EPS8: variants seen among roughly 807,000 people sequenced by gnomAD.
The protein encoded by EPS8 is epidermal growth factor receptor kinase substrate 8.
EPS8 carries 42 observed loss-of-function variants against 103.8 expected under a neutral mutation model. That is an observed-to-expected ratio of 0.40 (90% CI 0.32 to 0.52). The LOEUF (loss-of-function observed/expected upper bound fraction) is 0.52. Ranked by LOEUF, EPS8 falls within the 20% of genes least tolerant of loss-of-function variation. The probability of loss-of-function intolerance (pLI) is 0.40; values close to 1 mark genes in which losing one functional copy is unlikely to be tolerated. For missense variants in EPS8, 969 were observed against 1,005.1 expected (o/e 0.96, Z 0.49); for synonymous variants, 344 against 344.6 (o/e 1.00, Z 0.02).
intron 1 of EPS8, among the ~76,000 whole-genome samples, chr12:15,786,798 T>G (rs1014738623): frequency 3.3e-5 from 5 of 152,144 alleles, no homozygotes; most frequent in Non-Finnish European, 5.9e-5. Context: ...TGCAGAATTT[T>G]TCTTACAAAA....
At chr12:15,641,555 C>G (rs1945230240) in intron 16 of EPS8, among the ~76,000 whole-genome samples, 167 bp downstream of exon 16, 1 of 151,834 alleles carries the variant, frequency 6.6e-6, no homozygotes, top group South Asian at 2.1e-4. Flanking sequence ...TAAAGCTATC[C>G]CCTTAGAAGG....
intron 20 of EPS8, among the ~76,000 whole-genome samples, chr12:15,621,948 A>C (rs143405205): frequency 0.011 from 1,607 of 152,256 alleles, 22 homozygotes; most frequent in African/African-American, 0.037. Context: ...CTAAAAGATT[A>C]ACTAGATCCA....
At chr12:15,652,190 T>C (rs763420733) in intron 13 of EPS8, among the ~76,000 whole-genome samples, 1 of 152,176 alleles carries the variant, frequency 6.6e-6, no homozygotes, top group Admixed American at 6.5e-5. Flanking sequence ...CTGGAGGTTA[T>C]TCCATTAAGC....
At position 15,710,474 on chromosome 12, in the gene EPS8, T is replaced by C. The variant is rs191239151; in HGVS notation, c.-21-27502A>G. On this transcript the variant is annotated intron_variant, in intron 1 of 20. Transcript: ENST00000281172. ...CTCACATTTCATTCAGCTCAGATCT[T>C]ACATTACCAAGTACAGAGAGACAAT... Among the ~76,000 whole-genome samples, 32 of 152,334 alleles carry C rather than the reference T, an allele frequency of 2.1e-4. No individual in the cohort carries two copies. In the East Asian group the frequency reaches 5.8e-3, roughly 28 times the overall value.
intron 8 of EPS8, chr12:15,665,198 T>C (rs1158735142): frequency 1.3e-5 from 2 of 152,272 alleles, no homozygotes; most frequent in Admixed American, 1.3e-4. Context: ...GTCAATCAAG[T>C]AAAACTTCCT....
chr12:15,754,906 A>G (rs1946970072), intron 1 of EPS8, among the ~76,000 whole-genome samples: 1 of 152,222 alleles, frequency 6.6e-6, no homozygotes, highest in Non-Finnish European at 1.5e-5. Flanking sequence ...CATTTCTGCC[A>G]CCTGGTTACT....
At chr12:15,729,995 G>T (rs904458658) in intron 1 of EPS8, among the ~76,000 whole-genome samples, 1 of 152,080 alleles carries the variant, frequency 6.6e-6, no homozygotes, top group Non-Finnish European at 1.5e-5. Context: ...TACACTTCTA[G>T]GGATCAAGAA....
chr12:15,631,512 G>A lies in EPS8; in HGVS notation c.1974C>T (p.Asn658=). ...SKVPANITRQ[N]SSSSDSGGSI... Reference sequence around the variant, plus strand: ...TGCCACCACTGTCACTGGAGCTGCTGTTTTGACGTGTTATATTTGCTGGGA... The same window carrying A: ...TGCCACCACTGTCACTGGAGCTGCTATTTTGACGTGTTATATTTGCTGGGA... Residue 658 remains asparagine (N), a synonymous_variant, in exon 18 of 21, where the codon AAC becomes AAT. Transcript: ENST00000281172. 2 of 1,614,038 alleles carry A rather than the reference G, an allele frequency of 1.2e-6. No individual in the cohort carries two copies. Among genetic ancestry groups the A allele is most frequent in the African/African-American group, 1.3e-5 (1 of 74,962 alleles).
At chr12:15,683,927 CA>C (rs1480431936) in intron 1 of EPS8, 1 of 152,118 alleles carries the variant, frequency 6.6e-6, no homozygotes. Flanking sequence ...TTAGGCAGGA[CA>C]TACCCCAGCT....
intron 15 of EPS8, among the ~76,000 whole-genome samples, chr12:15,646,247 C>T (rs925854977): frequency 6.6e-6 from 1 of 151,998 alleles, no homozygotes; most frequent in African/African-American, 2.4e-5. Context: ...CTGTCACCAC[C>T]CCTGACAAAG....
At chr12:15,774,357 A>G (rs1947185906) in intron 1 of EPS8, among the ~76,000 whole-genome samples, 1 of 117,994 alleles carries the variant, frequency 8.5e-6, no homozygotes, top group Non-Finnish European at 1.7e-5. Flanking sequence ...ATACAGGCCT[A>G]GTGTTATTTA....
Position 15,655,472 on chromosome 12 carries a change from C to T in EPS8, c.1102-1179G>A, listed in dbSNP as rs114270250. 2.7e-3 allele frequency among the ~76,000 whole-genome samples: 416 copies of T among 152,300 alleles called. 5 individuals carry two copies. Among genetic ancestry groups the T allele is most frequent in the African/African-American group, 9.4e-3 (391 of 41,572 alleles). ...GGACTAAGACTTATCTGACTTTCAACTGCAGATGATACAGTGGTACTGGAA... is the reference window on the plus strand; with the variant it reads ...GGACTAAGACTTATCTGACTTTCAATTGCAGATGATACAGTGGTACTGGAA... On this transcript the variant is annotated intron_variant, in intron 12 of 20. Coordinates refer to ENST00000281172, the MANE Select transcript of EPS8 (RefSeq NM_004447.6).
In EPS8 at chr12:15,769,137, T is replaced by G. The variant is rs917643977; in HGVS notation, c.-22+20024A>C. On this transcript the variant is annotated intron_variant, in intron 1 of 20. Transcript: ENST00000281172. This position sits in a 1 kb window ranked among gnomAD's most constrained non-coding sequence, Gnocchi z 4.6. ...TCACCCATAAAATCTCACTTTATGT[T>G]CCATTAACCAGGATCACATGAACTA... 6.6e-6 allele frequency among the ~76,000 whole-genome samples: 1 copy of G among 152,132 alleles called. No homozygotes were observed. The highest frequency in any genetic ancestry group is 2.4e-5 in the African/African-American group (1 of 41,434).
intron 1 of EPS8, among the ~76,000 whole-genome samples, chr12:15,770,470 T>G (rs1171371766): frequency 1.3e-5 from 2 of 152,108 alleles, no homozygotes; most frequent in African/African-American, 2.4e-5. Context: ...GCTCTCACTG[T>G]CTTACTCATA....
intron 17 of EPS8, among the ~76,000 whole-genome samples, chr12:15,639,192 G>C (rs988648464): frequency 6.6e-6 from 1 of 152,040 alleles, no homozygotes; most frequent in African/African-American, 2.4e-5. Flanking sequence ...ATTAAAATTA[G>C]TTGATATAGC....
At chr12:15,737,892 T>A (rs1210367862) in intron 1 of EPS8, among the ~76,000 whole-genome samples, 1 of 152,136 alleles carries the variant, frequency 6.6e-6, no homozygotes, top group Non-Finnish European at 1.5e-5. Flanking sequence ...CTGCTCTATA[T>A]TCCTCAGGTG....
At chr12:15,651,906 A>G (rs1376949708) in intron 13 of EPS8, among the ~76,000 whole-genome samples, 1 of 152,160 alleles carries the variant, frequency 6.6e-6, no homozygotes, top group Non-Finnish European at 1.5e-5. Flanking sequence ...TTAACAGCTA[A>G]CAATATATTT....
At position 15,762,398 on chromosome 12, in the gene EPS8, G is replaced by A. The variant is rs926333050; in HGVS notation, c.-22+26763C>T. Among the ~76,000 whole-genome samples, 4 of 152,076 alleles carry A rather than the reference G, an allele frequency of 2.6e-5. No individual in the cohort carries two copies. Among genetic ancestry groups the A allele is most frequent in the Non-Finnish European group, 5.9e-5 (4 of 67,986 alleles). On this transcript the variant is annotated intron_variant, in intron 1 of 20. Transcript: ENST00000281172. This position sits in a 1 kb window ranked among gnomAD's most constrained non-coding sequence, Gnocchi z 4.8. ...TGGCGGTGCCTCAAAAAACTAAAAG[G>A]AGAGCTACATTATGATCCAGCAATC...
chr12:15,685,335 T>C (rs533783766), intron 1 of EPS8, among the ~76,000 whole-genome samples: 4 of 152,234 alleles, frequency 2.6e-5, no homozygotes, highest in Non-Finnish European at 2.9e-5. Context: ...TGAAATGAGA[T>C]AGATGTGCAA....
Sources: gnomAD v4.1 joint callset for allele counts (sites outside exome capture counted in the v4.1 genomes callset) on GRCh38, gnomAD v4.1.1 for gene constraint, Gnocchi (gnomAD v3.1) non-coding constraint, MANE v1.5 for transcripts, NCBI Gene and HGNC (gene_info 2026-07-23, HGNC 2026-07-21) for gene names.